The following FRMD4A variants were observed in gnomAD, a reference collection of about 807,000 sequenced individuals.
FRMD4A encodes the protein FERM domain containing 4A, also known as FERM domain-containing protein 4A.
In FRMD4A, 29 loss-of-function variants were observed where a neutral mutation model predicts 129.1. That is an observed-to-expected ratio of 0.22 (90% CI 0.17 to 0.31). The LOEUF is 0.31. FRMD4A is among the 10% of genes least tolerant of loss of function. The pLI is 1.00. For synonymous variants in FRMD4A, 634 were observed against 571.6 expected, an observed-to-expected ratio of 1.11 and a Z score of -1.56; for missense variants, 1,272 against 1,375.8, an observed-to-expected ratio of 0.92 and a Z score of 1.19.
intron 2 of FRMD4A, among the ~76,000 whole-genome samples, chr10:14,159,793 T>C (rs989917176): frequency 1.3e-5 from 2 of 152,236 alleles, no homozygotes; most frequent in East Asian, 1.9e-4. Flanking sequence ...CTCCCTCCTG[T>C]AATCCTCGCA....
intron 2 of FRMD4A, among the ~76,000 whole-genome samples, chr10:14,060,276 A>T (rs1191151356): frequency 6.6e-6 from 1 of 152,202 alleles, no homozygotes; most frequent in African/African-American, 2.4e-5. Flanking sequence ...GGAGGCACAG[A>T]TTGGATTCTC....
intron 2 of FRMD4A, among the ~76,000 whole-genome samples, chr10:14,022,980 C>T (rs1832828474): frequency 6.6e-6 from 1 of 152,148 alleles, no homozygotes; most frequent in South Asian, 2.1e-4. Context: ...CTTTGGCATG[C>T]CACAGATCAC....
chr10:14,293,789 A>G (rs1374077948), intron 2 of FRMD4A, among the ~76,000 whole-genome samples: 1 of 152,238 alleles, frequency 6.6e-6, no homozygotes, highest in Non-Finnish European at 1.5e-5. Flanking sequence ...ATAATTCAAG[A>G]ATGTACACAC....
intron 2 of FRMD4A, among the ~76,000 whole-genome samples, chr10:14,273,855 CAACA>C (rs1845248064): frequency 6.6e-6 from 1 of 152,146 alleles, no homozygotes; most frequent in African/African-American, 2.4e-5. Flanking sequence ...TTTAGTCAAT[CAACA>C]AACACTTTTG....
intron 12 of FRMD4A, among the ~76,000 whole-genome samples, chr10:13,724,995 T>C (rs1352876299): frequency 6.6e-6 from 1 of 152,222 alleles, no homozygotes; most frequent in African/African-American, 2.4e-5. Context: ...TGGGGTTACC[T>C]ACTTAGAAAC....
At chr10:13,850,984 G>A (rs2094132744) in intron 3 of FRMD4A, among the ~76,000 whole-genome samples, 1 of 152,228 alleles carries the variant, frequency 6.6e-6, no homozygotes, top group Non-Finnish European at 1.5e-5. Context: ...GGAGGCCAAG[G>A]CGGGTGGATC....
chr10:14,008,032 G>C (rs534587592), intron 2 of FRMD4A: 1 of 1,298,092 alleles, frequency 7.7e-7, no homozygotes, highest in East Asian at 5.6e-5. Context: ...GAGCAACTGA[G>C]AAGCAAACAA....
At chr10:13,815,524 T>C (rs1047844896) in intron 3 of FRMD4A, among the ~76,000 whole-genome samples, 1 of 152,026 alleles carries the variant, frequency 6.6e-6, no homozygotes, top group Non-Finnish European at 1.5e-5. Flanking sequence ...GAATTGCACA[T>C]ACGAAAATGG....
chr10:14,253,849 T>G (rs76566194), intron 2 of FRMD4A, among the ~76,000 whole-genome samples: 2,459 of 152,304 alleles, frequency 0.016, 65 homozygotes, highest in East Asian at 0.13. Context: ...AGAATCTTGC[T>G]TGGCAGGTAA....
chr10:14,022,058 T>C (rs1050220316), intron 2 of FRMD4A, among the ~76,000 whole-genome samples: 2 of 152,346 alleles, frequency 1.3e-5, no homozygotes, highest in South Asian at 2.1e-4. Flanking sequence ...GAGGTCCTTG[T>C]ATACAATATT....
At chr10:13,922,852 C>G (rs1344469492) in intron 2 of FRMD4A, among the ~76,000 whole-genome samples, 2 of 152,134 alleles carry the variant, frequency 1.3e-5, no homozygotes, top group African/African-American at 2.4e-5. Flanking sequence ...CCATGTCTGT[C>G]TATTTATGAC....
chr10:14,079,090 T>C (rs7920328), intron 2 of FRMD4A, among the ~76,000 whole-genome samples: 2 of 152,184 alleles, frequency 1.3e-5, no homozygotes, highest in Non-Finnish European at 2.9e-5. Context: ...GTTGGGCCCA[T>C]AGTACTAGCT....
At chr10:13,789,627 A>C (rs1356570158) in intron 5 of FRMD4A, among the ~76,000 whole-genome samples, 1 of 150,582 alleles carries the variant, frequency 6.6e-6, no homozygotes, top group Non-Finnish European at 1.5e-5. Flanking sequence ...TATTTTCCTT[A>C]TATTTTTTTC....
chr10:14,025,894 C>G (rs1832965559), intron 2 of FRMD4A, among the ~76,000 whole-genome samples: 1 of 152,164 alleles, frequency 6.6e-6, no homozygotes, highest in Admixed American at 6.5e-5. Context: ...AATCACGTAT[C>G]CTAAGAAAGA....
At chr10:14,140,921 C>T (rs1026199011) in intron 2 of FRMD4A, among the ~76,000 whole-genome samples, 36 of 152,038 alleles carry the variant, frequency 2.4e-4, no homozygotes, top group Non-Finnish European at 2.8e-4. Context: ...GGCTTGAGAG[C>T]CTGGATTAGG....
At chr10:13,801,925 G>A (rs2093263431) in intron 4 of FRMD4A, among the ~76,000 whole-genome samples, 1 of 146,750 alleles carries the variant, frequency 6.8e-6, no homozygotes, top group Non-Finnish European at 1.5e-5. Context: ...ACTAAGAGAT[G>A]CCTTATAGCT....
chr10:14,136,972 C>T (rs2131836136), intron 2 of FRMD4A, among the ~76,000 whole-genome samples: 1 of 152,338 alleles, frequency 6.6e-6, no homozygotes, highest in South Asian at 2.1e-4. Context: ...CCATGTCATA[C>T]TGCCAGGTAA....
intron 2 of FRMD4A, among the ~76,000 whole-genome samples, chr10:14,104,710 C>T (rs958359695): frequency 1.3e-5 from 2 of 152,248 alleles, no homozygotes; most frequent in Admixed American, 6.5e-5. Context: ...GAGGTTAGAG[C>T]AAGGGAAATT....
At chr10:13,835,741 T>C (rs773262501) in intron 3 of FRMD4A, among the ~76,000 whole-genome samples, 3 of 152,140 alleles carry the variant, frequency 2.0e-5, no homozygotes, top group African/African-American at 7.2e-5. Flanking sequence ...TAGGACATTA[T>C]GGTAAGTTGT....
Sources: allele counts gnomAD v4.1 joint callset (sites outside exome capture counted in the v4.1 genomes callset), GRCh38; gene constraint gnomAD v4.1.1; transcripts MANE v1.5; gene names NCBI Gene and HGNC (gene_info 2026-07-23, HGNC 2026-07-21).